FAM20C: variants seen among roughly 807,000 people sequenced by gnomAD.
FAM20C encodes extracellular serine/threonine protein kinase FAM20C.
A neutral mutation model predicts 51.5 loss-of-function variants in FAM20C; 40 were observed. The observed-to-expected ratio is 0.78, with a 90% CI of 0.60 to 1.01. The LOEUF is 1.01. Among genes scored for constraint, FAM20C ranks in the 50% least tolerant of loss-of-function variants. The probability of loss-of-function intolerance (pLI) is 0.00; values close to 1 mark genes in which losing one functional copy is unlikely to be tolerated. For synonymous variants in FAM20C, 406 were observed against 380.6 expected (o/e 1.07, Z -0.78); for missense variants, 861 against 844.7 (o/e 1.02, Z -0.24).
At chr7:193,940 C>A in intron 1 of FAM20C, 136 bp downstream of exon 1, 1 of 1,298,628 alleles carries the variant, frequency 7.7e-7, no homozygotes, top group Non-Finnish European at 1.0e-6. Context: ...GAGGAGGCAG[C>A]CGCCTACCTC....
intron 9 of FAM20C, among the ~76,000 whole-genome samples, chr7:259,377 A>C (rs36178235): frequency 0.63 from 95,381 of 151,964 alleles, 30,575 homozygotes; most frequent in African/African-American, 0.73. Context: ...CACAGCCCGG[A>C]GGCTGATGAG....
intron 3 of FAM20C, chr7:228,819 C>T: frequency 4.4e-6 from 2 of 456,172 alleles, no homozygotes; most frequent in South Asian, 3.1e-5. Context: ...TCCCGGGCAG[C>T]CTCCTCAACG....
chr7:219,265 G>A lies in FAM20C; in HGVS notation c.863+10289G>A, dbSNP rs141821234. Among the ~76,000 whole-genome samples the A allele has an allele frequency of 2.3e-3, 354 of 152,200 alleles. 1 individual carries two copies. The highest frequency in any genetic ancestry group is 7.8e-3 in the African/African-American group (323 of 41,518). ...GAGAATGGGGGGAGGGGCTGGGGTC[G>A]CTGCATGAACCCCACCGTGAATGTG... On this transcript the variant is annotated intron_variant, in intron 3 of 9. Transcript: ENST00000313766.
chr7:254,741 T>C (rs867619119), intron 5 of FAM20C, among the ~76,000 whole-genome samples: 1 of 152,184 alleles, frequency 6.6e-6, no homozygotes, highest in Admixed American at 6.5e-5. Flanking sequence ...CCCCGTACCA[T>C]GAGCAGGCGG....
At chr7:258,835 C>T (rs1788753642) in intron 9 of FAM20C, 130 bp downstream of exon 9, 7 of 957,248 alleles carry the variant, frequency 7.3e-6, no homozygotes, top group African/African-American at 3.3e-5. Context: ...AATTCAACCA[C>T]AGCCCTGAAT....
At chr7:209,023 A>G in intron 3 of FAM20C, 47 bp downstream of exon 3, 4 of 1,541,452 alleles carry the variant, frequency 2.6e-6, no homozygotes, top group Non-Finnish European at 3.5e-6. Context: ...CTGGAGCTGC[A>G]GGCGAGCAGG....
intron 3 of FAM20C, among the ~76,000 whole-genome samples, chr7:241,443 A>C (rs1787943308): frequency 6.6e-6 from 1 of 152,100 alleles, no homozygotes; most frequent in Non-Finnish European, 1.5e-5. Flanking sequence ...AGGGCCACTA[A>C]ATGCGCTTTC....
chr7:206,689 TGCTC>T (rs1181542374), intron 2 of FAM20C, among the ~76,000 whole-genome samples: 5 of 55,162 alleles, frequency 9.1e-5, no homozygotes, highest in East Asian at 5.4e-4. Flanking sequence ...CCCGCACACG[TGCTC>T]ACTGTCCACT....
chr7:200,771 G>A (rs985705240), intron 2 of FAM20C, among the ~76,000 whole-genome samples: 11 of 152,210 alleles, frequency 7.2e-5, no homozygotes, highest in African/African-American at 2.7e-4. Context: ...TTTGGGCAGT[G>A]CTGATGGGGC....
intron 9 of FAM20C, 151 bp from the exon 10 acceptor site, chr7:259,580 G>GTCTGTCTC: frequency 2.7e-6 from 1 of 369,716 alleles, no homozygotes. Flanking sequence ...CTCTGTGTAT[G>GTCTGTCTC]TCTCTGTCTT....
At chr7:206,036 C>T (rs1163404692) in intron 2 of FAM20C, among the ~76,000 whole-genome samples, 1 of 152,134 alleles carries the variant, frequency 6.6e-6, no homozygotes, top group African/African-American at 2.4e-5. Context: ...AGCTCCACGC[C>T]CTCAGCACAC....
At chr7:257,111 A>C (rs1245441773) in intron 8 of FAM20C, 25 bp downstream of exon 8, 1 of 1,534,700 alleles carries the variant, frequency 6.5e-7, no homozygotes, top group Non-Finnish European at 8.7e-7. Context: ...GCCCCTGCAC[A>C]CCCAGGGAAG....
intron 5 of FAM20C, among the ~76,000 whole-genome samples, chr7:253,595 C>T (rs143810183): frequency 0.013 from 1,752 of 138,836 alleles, 32 homozygotes; most frequent in African/African-American, 0.043. Context: ...TGGACAGCTG[C>T]CTCCCGTGGC....
chr7:230,465 C>T (rs955858387), intron 3 of FAM20C, among the ~76,000 whole-genome samples: 12 of 150,986 alleles, frequency 7.9e-5, no homozygotes, highest in South Asian at 2.1e-4. Context: ...CTCTGTGTCC[C>T]GGCGTTCGGA....
At chr7:214,241 CT>C (rs1285926911) in intron 3 of FAM20C, among the ~76,000 whole-genome samples, 3 of 152,056 alleles carry the variant, frequency 2.0e-5, no homozygotes, top group African/African-American at 7.3e-5. Flanking sequence ...AGGAGAATCG[CT>C]TGAACCCGGG....
intron 3 of FAM20C, among the ~76,000 whole-genome samples, chr7:212,689 C>T (rs973434331): frequency 2.6e-5 from 4 of 152,248 alleles, no homozygotes; most frequent in African/African-American, 7.2e-5. Flanking sequence ...TTAGGGTCTC[C>T]GTTTCTAATA....
chr7:205,085 G>T (rs962370208), intron 2 of FAM20C, among the ~76,000 whole-genome samples: 1 of 152,232 alleles, frequency 6.6e-6, no homozygotes, highest in Non-Finnish European at 1.5e-5. Flanking sequence ...GTCACATGAG[G>T]CACCACCGTA....
At chr7:241,221 A>G (rs1325461299) in intron 3 of FAM20C, among the ~76,000 whole-genome samples, 1 of 152,130 alleles carries the variant, frequency 6.6e-6, no homozygotes, top group Non-Finnish European at 1.5e-5. Context: ...TGTGGCAGGA[A>G]GTGGCCCGAG....
intron 3 of FAM20C, among the ~76,000 whole-genome samples, chr7:235,335 G>A (rs1463342407): frequency 2.0e-5 from 3 of 152,090 alleles, no homozygotes; most frequent in Admixed American, 6.5e-5. Flanking sequence ...GTGGACTGCC[G>A]ATCTGTGAGC....
Sources: gnomAD v4.1 joint callset for allele counts (sites outside exome capture counted in the v4.1 genomes callset) on GRCh38, gnomAD v4.1.1 for gene constraint, MANE v1.5 for transcripts, NCBI Gene and HGNC (gene_info 2026-07-23, HGNC 2026-07-21) for gene names.